Variants in SH3GL2 observed in about 807,000 individuals in gnomAD.
SH3GL2 encodes the protein endophilin-A1.
SH3GL2 carries 24 observed loss-of-function variants against 46.0 expected under a neutral mutation model. The observed-to-expected ratio is 0.52, with a 90% CI of 0.38 to 0.73. The LOEUF (loss-of-function observed/expected upper bound fraction) is 0.73, where lower values mean the gene tolerates loss of function less well. Among genes scored for constraint, SH3GL2 ranks in the 30% least tolerant of loss-of-function variants. The pLI is 0.00. For missense variants in SH3GL2, 413 were observed against 424.2 expected, an observed-to-expected ratio of 0.97 and a Z score of 0.23; for synonymous variants, 196 against 147.1, an observed-to-expected ratio of 1.33 and a Z score of -2.40.
intron 1 of SH3GL2, among the ~76,000 whole-genome samples, chr9:17,600,940 T>C (rs891539710): frequency 1.3e-5 from 2 of 152,350 alleles, no homozygotes; most frequent in African/African-American, 4.8e-5. Context: ...GGAGCTGCAG[T>C]AGGTAATGGA....
intron 1 of SH3GL2, among the ~76,000 whole-genome samples, chr9:17,599,101 G>A (rs759147045): frequency 7.9e-5 from 12 of 152,158 alleles, no homozygotes; most frequent in Non-Finnish European, 1.6e-4. Flanking sequence ...TTAGCTATTC[G>A]TTTGAGAAAT....
chr9:17,651,458 G>C (rs931800716), intron 1 of SH3GL2, among the ~76,000 whole-genome samples: 1 of 152,092 alleles, frequency 6.6e-6, no homozygotes, highest in Admixed American at 6.5e-5. Flanking sequence ...TATTGTTTTT[G>C]TTGCTCTTAT....
At chr9:17,684,928 C>G (rs1320856530) in intron 1 of SH3GL2, among the ~76,000 whole-genome samples, 1 of 152,122 alleles carries the variant, frequency 6.6e-6, no homozygotes, top group African/African-American at 2.4e-5. Context: ...AGATAAGGCT[C>G]TGGTCTCAAC....
chr9:17,591,109 G>A (rs1818473286), intron 1 of SH3GL2: 1 of 152,086 alleles, frequency 6.6e-6, no homozygotes, highest in African/African-American at 2.4e-5. Context: ...TGTGTCTGAA[G>A]ACACAGACAT....
intron 1 of SH3GL2, among the ~76,000 whole-genome samples, chr9:17,584,886 C>CT (rs1818344620): frequency 6.6e-6 from 1 of 152,164 alleles, no homozygotes; most frequent in South Asian, 2.1e-4. Context: ...TTTTTGCAAG[C>CT]TTTTTTCCCC....
chr9:17,734,431 C>T (rs72614246), intron 1 of SH3GL2, among the ~76,000 whole-genome samples: 10,591 of 152,170 alleles, frequency 0.07, 478 homozygotes, highest in Admixed American at 0.13. Context: ...TTATACTGTA[C>T]AGTCTTCACA....
chr9:17,764,464 A>G lies in SH3GL2; in HGVS notation c.187+2955A>G, dbSNP rs943390280. Among the ~76,000 whole-genome samples the G allele has an allele frequency of 7.9e-5, 12 of 152,316 alleles. No homozygotes were observed. In the South Asian group the frequency reaches 8.3e-4, roughly 11 times the overall value. Reference sequence around the variant, plus strand: ...CCCAAACTCGTGCAGTTTGCTAAATACTTTGCCCACTCAGCCTTTCAGTGA... The same window carrying G: ...CCCAAACTCGTGCAGTTTGCTAAATGCTTTGCCCACTCAGCCTTTCAGTGA... On this transcript the variant is annotated intron_variant, in intron 3 of 8. Coordinates refer to ENST00000380607, the MANE Select transcript of SH3GL2 (RefSeq NM_003026.5).
At position 17,738,641 on chromosome 9, in the gene SH3GL2, T is replaced by TATAGAGAGAG. The variant is rs376280314; in HGVS notation, c.46-8424_46-8423insTAGAGAGAGA. Among the ~76,000 whole-genome samples the TATAGAGAGAG allele has an allele frequency of 1.7e-3, 148 of 88,870 alleles. 5 individuals carry two copies. Among genetic ancestry groups the TATAGAGAGAG allele is most frequent in the Non-Finnish European group, 2.2e-3 (93 of 42,634 alleles). The allele number at this position is 88,870 out of a possible 152,430, so 58.3% of individuals were successfully genotyped here. On this transcript the variant is annotated intron_variant, in intron 1 of 8. Transcript: ENST00000380607. The stretch of plus-strand genomic sequence containing the variant: ...TCATGTGATTTTATATATATATATA[T>TATAGAGAGAG]AGAGAGAGAGAGAGAGAGAGAGAGA...
At chr9:17,793,637 A>G in intron 8 of SH3GL2, 140 bp downstream of exon 8, 2 of 755,374 alleles carry the variant, frequency 2.6e-6, no homozygotes, top group South Asian at 3.6e-5. Context: ...GTTGTCAGGT[A>G]GAAACTCTGT....
At chr9:17,722,405 A>G (rs1821917578) in intron 1 of SH3GL2, among the ~76,000 whole-genome samples, 1 of 152,174 alleles carries the variant, frequency 6.6e-6, no homozygotes, top group Non-Finnish European at 1.5e-5. Flanking sequence ...TATTTTCTCC[A>G]TGCAATGGTG....
chr9:17,593,375 A>G (rs910704794), intron 1 of SH3GL2, among the ~76,000 whole-genome samples: 4 of 152,150 alleles, frequency 2.6e-5, no homozygotes, highest in Non-Finnish European at 5.9e-5. Context: ...ATTGAATTGA[A>G]TTAGAGGACA....
intron 1 of SH3GL2, among the ~76,000 whole-genome samples, chr9:17,710,561 A>G (rs1821593151): frequency 6.6e-6 from 1 of 152,020 alleles, no homozygotes; most frequent in African/African-American, 2.4e-5. Flanking sequence ...TGTAGACTCA[A>G]AAGAACTGAA....
intron 1 of SH3GL2, among the ~76,000 whole-genome samples, chr9:17,604,027 A>G (rs1818716901): frequency 6.6e-6 from 1 of 152,230 alleles, no homozygotes; most frequent in South Asian, 2.1e-4. Flanking sequence ...TGTTGTTTTT[A>G]GTTTCTGGTC....
intron 1 of SH3GL2, among the ~76,000 whole-genome samples, chr9:17,741,282 A>G (rs914793837): frequency 1.6e-4 from 24 of 152,176 alleles, no homozygotes; most frequent in African/African-American, 5.8e-4. Context: ...ACAAAAACAC[A>G]TTTGCCTACA....
In SH3GL2 at chr9:17,579,127, C is replaced by A; in HGVS notation, c.-116C>A. The A allele has an allele frequency of 1.6e-6, 1 of 618,364 alleles. No homozygotes were observed. Among genetic ancestry groups the A allele is most frequent in the Middle Eastern group, 3.6e-4 (1 of 2,744 alleles). The allele number at this position is 618,364 out of a possible 1,614,324, so 38.3% of individuals were successfully genotyped here. On this transcript the variant is annotated 5_prime_UTR_variant, in exon 1 of 9. Transcript: ENST00000380607. Reference sequence around the variant, plus strand: ...AGGCTCCGCGCCCTCGCGCCCATAGCCCCGGCGGCGGCACGACCAGAGGCG... The same window carrying A: ...AGGCTCCGCGCCCTCGCGCCCATAGACCCGGCGGCGGCACGACCAGAGGCG...
At chr9:17,747,517 G>A (rs188312759) in intron 2 of SH3GL2, among the ~76,000 whole-genome samples, 3 of 152,266 alleles carry the variant, frequency 2.0e-5, no homozygotes, top group Admixed American at 6.5e-5. Flanking sequence ...CTGGCTTTAA[G>A]GACCTTCCTT....
At chr9:17,791,602 G>T (rs1824131012) in intron 7 of SH3GL2, among the ~76,000 whole-genome samples, 1 of 152,214 alleles carries the variant, frequency 6.6e-6, no homozygotes, top group African/African-American at 2.4e-5. Context: ...TGCTACTGCT[G>T]ATAATGGATG....
At position 17,628,411 on chromosome 9, in the gene SH3GL2, G is replaced by GT. The variant is rs1819335737; in HGVS notation, c.45+49124_45+49125insT. 1.4e-4 allele frequency among the ~76,000 whole-genome samples: 20 copies of GT among 143,772 alleles called. No individual in the cohort carries two copies. The South Asian group carries it at 1.7e-3, about 12-fold the overall frequency. The allele number at this position is 143,772 out of a possible 152,430, so 94.3% of individuals were successfully genotyped here. A position where few individuals can be genotyped will look rare whatever the true frequency, so the allele number is the denominator to read the frequency against. ...GGGATGCCCAGATAACTATATCTTG[G>GT]GTGTGTGTGTGTGTGTGTGTGTGTG... is the stretch of plus-strand genomic sequence containing the variant. On this transcript the variant is annotated intron_variant, in intron 1 of 8. Coordinates refer to ENST00000380607, the MANE Select transcript of SH3GL2 (RefSeq NM_003026.5).
At chr9:17,740,435 G>T (rs1419865417) in intron 1 of SH3GL2, among the ~76,000 whole-genome samples, 2 of 139,010 alleles carry the variant, frequency 1.4e-5, no homozygotes, top group African/African-American at 2.5e-5. Context: ...TCACTCTCCT[G>T]TTTCCCTCTA....
Sources: allele counts gnomAD v4.1 joint callset (sites outside exome capture counted in the v4.1 genomes callset), GRCh38; gene constraint gnomAD v4.1.1; transcripts MANE v1.5; gene names NCBI Gene and HGNC (gene_info 2026-07-23, HGNC 2026-07-21).